The following SLC35F4 variants were observed in gnomAD, a reference collection of about 807,000 sequenced individuals.
SLC35F4 encodes solute carrier family 35 member F4.
In SLC35F4, 24 loss-of-function variants were observed where a neutral mutation model predicts 44.2. That is an observed-to-expected ratio of 0.54 (90% CI 0.39 to 0.76). The LOEUF is 0.76. Among genes scored for constraint, SLC35F4 ranks in the 30% least tolerant of loss-of-function variants. SLC35F4 has a pLI of 0.00. For synonymous variants in SLC35F4, 238 were observed against 223.6 expected, an observed-to-expected ratio of 1.06 and a Z score of -0.57; for missense variants, 562 against 586.1, an observed-to-expected ratio of 0.96 and a Z score of 0.42.
intron 1 of SLC35F4, among the ~76,000 whole-genome samples, chr14:57,706,315 T>A (rs1339498060): frequency 6.6e-6 from 1 of 152,170 alleles, no homozygotes; most frequent in East Asian, 1.9e-4. Flanking sequence ...ACGGGTGGAA[T>A]TGCCAATGGG....
chr14:57,929,370 T>C (rs1422526625), intron 1 of SLC35F4, among the ~76,000 whole-genome samples: 1 of 152,010 alleles, frequency 6.6e-6, no homozygotes, highest in Non-Finnish European at 1.5e-5. Flanking sequence ...TTAGAAGAAA[T>C]GTTTGGGAAA....
chr14:57,861,705 A>G (rs1054519151), intron 1 of SLC35F4, among the ~76,000 whole-genome samples: 23 of 152,128 alleles, frequency 1.5e-4, no homozygotes, highest in African/African-American at 5.6e-4. Flanking sequence ...TTTCAATAGC[A>G]TTGGACTCAG....
chr14:57,749,188 CT>C (rs963811614), intron 1 of SLC35F4, among the ~76,000 whole-genome samples: 24 of 151,960 alleles, frequency 1.6e-4, no homozygotes, highest in South Asian at 1.5e-3. Context: ...TCCAAATGTC[CT>C]TTTTTTTGTG....
chr14:57,653,965 G>T (rs1025865083), intron 1 of SLC35F4, among the ~76,000 whole-genome samples: 46 of 152,242 alleles, frequency 3.0e-4, no homozygotes, highest in African/African-American at 9.4e-4. Context: ...CTGGTGGTTT[G>T]TTGGCAATCC....
chr14:57,830,137 A>T (rs939242900), intron 1 of SLC35F4, among the ~76,000 whole-genome samples: 6 of 152,250 alleles, frequency 3.9e-5, no homozygotes, highest in South Asian at 2.1e-4. Context: ...ATGGAAGTAA[A>T]ATCTAGAAAT....
chr14:57,971,204 AG>A (rs2141094592), intron 1 of SLC35F4, among the ~76,000 whole-genome samples: 1 of 152,378 alleles, frequency 6.6e-6, no homozygotes. Flanking sequence ...GAATGTACAT[AG>A]GTTCTTCTAA....
chr14:57,883,457 G>C (rs76271288), intron 1 of SLC35F4, among the ~76,000 whole-genome samples: 4 of 152,112 alleles, frequency 2.6e-5, no homozygotes, highest in Admixed American at 2.0e-4. Context: ...CTTAGCATTT[G>C]CCCTCTACAA....
At chr14:57,710,401 G>A (rs116597447) in intron 1 of SLC35F4, among the ~76,000 whole-genome samples, 7,086 of 152,248 alleles carry the variant, frequency 0.047, 210 homozygotes, top group South Asian at 0.082. Flanking sequence ...GAGAACTTCC[G>A]CTAGGGCAGT....
At chr14:57,884,950 T>C (rs762553947) in intron 1 of SLC35F4, among the ~76,000 whole-genome samples, 7 of 152,134 alleles carry the variant, frequency 4.6e-5, no homozygotes, top group Admixed American at 1.3e-4. Context: ...ATATCAAATA[T>C]TTTTCTAAAG....
intron 4 of SLC35F4, among the ~76,000 whole-genome samples, chr14:57,574,141 T>C (rs911654257): frequency 2.0e-5 from 3 of 152,216 alleles, no homozygotes; most frequent in African/African-American, 7.2e-5. Context: ...CCCCAAGATA[T>C]GACCACAGGT....
At position 57,671,752 on chromosome 14, in the gene SLC35F4, A is replaced by T. The variant is rs1156255712; in HGVS notation, c.104-77628T>A. 5.9e-5 allele frequency among the ~76,000 whole-genome samples: 9 copies of T among 152,184 alleles called. 1 individual carries two copies. The highest frequency in any genetic ancestry group is 1.7e-4 in the African/African-American group (7 of 41,450). ...TGGGAATTTACTTACCAACTCCTGC[A>T]TCCCAGTGCCCCCAGCTAGTAGCCA... On this transcript the variant is annotated intron_variant, in intron 1 of 7. Coordinates refer to ENST00000556826, the MANE Select transcript of SLC35F4 (RefSeq NM_001306087.2).
chr14:57,749,182 A>G (rs2076826656), intron 1 of SLC35F4, among the ~76,000 whole-genome samples: 1 of 152,150 alleles, frequency 6.6e-6, no homozygotes, highest in South Asian at 2.1e-4. Flanking sequence ...ATACTCTCCA[A>G]ATGTCCTTTT....
chr14:57,718,668 T>C (rs1251947105), intron 1 of SLC35F4, among the ~76,000 whole-genome samples: 2 of 152,236 alleles, frequency 1.3e-5, no homozygotes, highest in African/African-American at 4.8e-5. Context: ...TTCAAATCTT[T>C]TGCCCATTTT....
intron 1 of SLC35F4, among the ~76,000 whole-genome samples, chr14:57,924,831 G>C (rs1413888383): frequency 6.6e-6 from 1 of 151,568 alleles, no homozygotes; most frequent in Non-Finnish European, 1.5e-5. Flanking sequence ...GGTCTCACTG[G>C]AGTGCAGTGG....
chr14:57,829,981 T>C (rs1657529825), intron 1 of SLC35F4, among the ~76,000 whole-genome samples: 1 of 152,158 alleles, frequency 6.6e-6, no homozygotes. Flanking sequence ...CAAATTGGAA[T>C]GAAAAGAGAA....
chr14:57,888,369 C>A (rs900039394), intron 1 of SLC35F4, among the ~76,000 whole-genome samples: 2 of 152,210 alleles, frequency 1.3e-5, no homozygotes, highest in African/African-American at 4.8e-5. Context: ...AAATCCCCTT[C>A]CATGTTGGGA....
intron 1 of SLC35F4, among the ~76,000 whole-genome samples, chr14:57,594,335 G>C (rs986442380): frequency 1.3e-5 from 2 of 152,146 alleles, no homozygotes; most frequent in Non-Finnish European, 2.9e-5. Flanking sequence ...AATTACAGGT[G>C]TGTGCTACCA....
intron 1 of SLC35F4, among the ~76,000 whole-genome samples, chr14:57,799,709 C>G (rs1480839788): frequency 1.3e-5 from 2 of 152,236 alleles, no homozygotes; most frequent in South Asian, 2.1e-4. Flanking sequence ...GAGGAAGGCT[C>G]CCCCTCAATG....
At chr14:57,815,762 T>A (rs1479737120) in intron 1 of SLC35F4, among the ~76,000 whole-genome samples, 1 of 152,132 alleles carries the variant, frequency 6.6e-6, no homozygotes, top group Non-Finnish European at 1.5e-5. Flanking sequence ...CCAGGATGCT[T>A]GACTAGCCGA....
Sources: allele counts gnomAD v4.1 joint callset (sites outside exome capture counted in the v4.1 genomes callset), GRCh38; gene constraint gnomAD v4.1.1; transcripts MANE v1.5; gene names NCBI Gene and HGNC (gene_info 2026-07-23, HGNC 2026-07-21).